Variants in TDRP observed in about 807,000 individuals in gnomAD.
TDRP encodes the protein testis development-related protein.
In TDRP, 12 loss-of-function variants were observed where a neutral mutation model predicts 10.5. The ratio of observed to expected loss-of-function variants is 1.15; its 90% CI spans 0.73 to 1.86. The LOEUF is 1.86. TDRP is among the 40% of genes most tolerant of loss of function. The pLI, the probability that TDRP is intolerant of heterozygous loss-of-function variation, is 0.00. For synonymous variants in TDRP, 139 were observed against 95.4 expected, an observed-to-expected ratio of 1.46 and a Z score of -2.67; for missense variants, 353 against 229.2, an observed-to-expected ratio of 1.54 and a Z score of -3.49.
At chr8:543,175 G>C (rs1802544585) in intron 1 of TDRP, among the ~76,000 whole-genome samples, 1 of 152,104 alleles carries the variant, frequency 6.6e-6, no homozygotes, top group Admixed American at 6.5e-5. Context: ...AGCCAGGTGA[G>C]GTGGTGCGCA....
chr8:545,663 C>G (rs1463938676), upstream of TDRP: 1 of 152,118 alleles, frequency 6.6e-6, no homozygotes, highest in Non-Finnish European at 1.5e-5. Flanking sequence ...GCATCCGGGA[C>G]TCATCCCCTC....
intron 1 of TDRP, among the ~76,000 whole-genome samples, chr8:527,248 C>G (rs1398067153): frequency 6.6e-6 from 1 of 152,006 alleles, no homozygotes. Context: ...CTATAAAACA[C>G]TGATGCAAGA....
chr8:542,924 G>A (rs1230772612), intron 1 of TDRP, among the ~76,000 whole-genome samples: 6 of 150,898 alleles, frequency 4.0e-5, no homozygotes, highest in Admixed American at 1.3e-4. Flanking sequence ...GAGCTTTAAC[G>A]AAGGCACTGC....
intron 1 of TDRP, among the ~76,000 whole-genome samples, chr8:537,466 T>C (rs1802376608): frequency 6.6e-6 from 1 of 152,218 alleles, no homozygotes; most frequent in African/African-American, 2.4e-5. Context: ...AAGACCTCCT[T>C]TTTCTTCTTT....
At chr8:500,435 G>T (rs925105419) in intron 1 of TDRP, among the ~76,000 whole-genome samples, 1 of 152,042 alleles carries the variant, frequency 6.6e-6, no homozygotes, top group Non-Finnish European at 1.5e-5. Flanking sequence ...ACAGAGCTTG[G>T]GTGTGGCAAC....
Position 498,807 on chromosome 8 carries a change from C to T in TDRP, c.109-4210G>A, listed in dbSNP as rs187861805. Reference sequence around the variant, plus strand: ...GTGGGACGTGACTGGATCATGGAAGCGGATTTCCCCCTTGCTGTTCTTGTG... The same window carrying T: ...GTGGGACGTGACTGGATCATGGAAGTGGATTTCCCCCTTGCTGTTCTTGTG... On this transcript the variant is annotated intron_variant, in intron 1 of 2. Coordinates refer to ENST00000324079, the MANE Select transcript of TDRP (RefSeq NM_001384899.1). 2.5e-3 allele frequency among the ~76,000 whole-genome samples: 376 copies of T among 152,172 alleles called. 1 individual carries two copies. Among genetic ancestry groups the T allele is most frequent in the Admixed American group, 6.4e-3 (98 of 15,282 alleles).
At chr8:506,354 G>C (rs888192947) in intron 1 of TDRP, among the ~76,000 whole-genome samples, 4 of 152,164 alleles carry the variant, frequency 2.6e-5, no homozygotes, top group Non-Finnish European at 5.9e-5. Flanking sequence ...ATCAGCCACA[G>C]CCAACAGCAC....
At chr8:523,047 T>C (rs983749576) in intron 1 of TDRP, among the ~76,000 whole-genome samples, 4 of 152,176 alleles carry the variant, frequency 2.6e-5, no homozygotes, top group Admixed American at 6.5e-5. Context: ...GGACTTACTA[T>C]TGCCACTTTG....
In TDRP at chr8:491,762, C is replaced by T. The variant is rs961614854; in HGVS notation, c.*637G>A. 1.2e-5 allele frequency: 17 copies of T among 1,396,146 alleles called. No individual in the cohort carries two copies. The highest frequency in any genetic ancestry group is 1.3e-5 in the Non-Finnish European group (14 of 1,084,756). The allele number at this position is 1,396,146 out of a possible 1,614,324, so 86.5% of individuals were successfully genotyped here. ...GTAAAAATAAAATTCCAAAAAAGAA[C>T]CACTGTTACTATCCAGTGGACATAC... is the stretch of plus-strand genomic sequence containing the variant. On this transcript the variant is annotated 3_prime_UTR_variant, in exon 3 of 3. Coordinates refer to ENST00000324079, the MANE Select transcript of TDRP (RefSeq NM_001384899.1).
Position 492,251 on chromosome 8 carries a change from T to C in TDRP, c.*148A>G. On this transcript the variant is annotated 3_prime_UTR_variant, in exon 3 of 3. Transcript: ENST00000324079. ...CAAGGAGTCACAGTGTGTGTGAGAG[T>C]TCATTAAATAAAGAAACAGAGGTCC... The C allele has an allele frequency of 7.5e-7, 1 of 1,331,236 alleles. No individual in the cohort carries two copies. Among genetic ancestry groups the C allele is most frequent in the Non-Finnish European group, 9.6e-7 (1 of 1,044,368 alleles). 82.5% of individuals were successfully genotyped at this position (1,331,236 alleles called of 1,614,324 possible). A position where few individuals can be genotyped will look rare whatever the true frequency, so the allele number is the denominator to read the frequency against.
chr8:509,586 C>T (rs538310786), intron 1 of TDRP, among the ~76,000 whole-genome samples: 6 of 152,252 alleles, frequency 3.9e-5, no homozygotes, highest in Admixed American at 2.0e-4. Flanking sequence ...CCAGGCTACA[C>T]ATAGCAAGGG....
chr8:499,805 G>A (rs1280357743), intron 1 of TDRP, among the ~76,000 whole-genome samples: 1 of 152,370 alleles, frequency 6.6e-6, no homozygotes, highest in East Asian at 1.9e-4. Flanking sequence ...CCTGTAGCCA[G>A]CAAGGCTGGC....
chr8:510,524 A>G (rs1416573471), intron 1 of TDRP, among the ~76,000 whole-genome samples: 4 of 152,236 alleles, frequency 2.6e-5, no homozygotes, highest in African/African-American at 9.6e-5. Flanking sequence ...CCCCAATAAG[A>G]TTAACAGCTG....
chr8:533,407 T>G (rs1301711395), intron 1 of TDRP, among the ~76,000 whole-genome samples: 3 of 152,194 alleles, frequency 2.0e-5, no homozygotes, highest in African/African-American at 7.2e-5. Flanking sequence ...AACTTTCACC[T>G]GCAGCTGCTT....
At chr8:498,828 T>C (rs1368939570) in intron 1 of TDRP, among the ~76,000 whole-genome samples, 1 of 152,188 alleles carries the variant, frequency 6.6e-6, no homozygotes. Flanking sequence ...CTTGCTGTTC[T>C]TGTGATAGTG....
chr8:498,678 T>C (rs1362537091), intron 1 of TDRP, among the ~76,000 whole-genome samples: 2 of 152,140 alleles, frequency 1.3e-5, no homozygotes, highest in Admixed American at 6.5e-5. Flanking sequence ...AAGAAGAACA[T>C]TACATTTGGG....
chr8:514,406 T>A (rs1447358002), intron 1 of TDRP, among the ~76,000 whole-genome samples: 1 of 152,146 alleles, frequency 6.6e-6, no homozygotes, highest in Admixed American at 6.6e-5. Flanking sequence ...AAGCCACATG[T>A]AAGAAAATGA....
At chr8:542,684 G>C (rs1430042685) in intron 1 of TDRP, among the ~76,000 whole-genome samples, 1 of 151,882 alleles carries the variant, frequency 6.6e-6, no homozygotes, top group South Asian at 2.1e-4. Flanking sequence ...GACCAACATG[G>C]ACAACTCTGT....
At chr8:528,291 C>G (rs968249724) in intron 1 of TDRP, among the ~76,000 whole-genome samples, 8 of 152,104 alleles carry the variant, frequency 5.3e-5, no homozygotes, top group African/African-American at 1.7e-4. Flanking sequence ...GAAAAGGAAA[C>G]CGTTGTACAC....
Sources: gnomAD v4.1 joint callset for allele counts (sites outside exome capture counted in the v4.1 genomes callset) on GRCh38, gnomAD v4.1.1 for gene constraint, MANE v1.5 for transcripts, NCBI Gene and HGNC (gene_info 2026-07-23, HGNC 2026-07-21) for gene names.